FGF14: variants seen among roughly 807,000 people sequenced by gnomAD.
FGF14 encodes fibroblast growth factor homologous factor 4.
A neutral mutation model predicts 25.5 loss-of-function variants in FGF14; 5 were observed. The ratio of observed to expected loss-of-function variants is 0.20; its 90% CI spans 0.10 to 0.41. The LOEUF is 0.41. FGF14 is among the 10% of genes least tolerant of loss of function. The pLI, the probability that FGF14 is intolerant of heterozygous loss-of-function variation, is 1.00. For synonymous variants in FGF14, 138 were observed against 118.3 expected (o/e 1.17, Z -1.08); for missense variants, 222 against 320.1 (o/e 0.69, Z 2.34).
intron 1 of FGF14, among the ~76,000 whole-genome samples, chr13:102,160,657 A>C (rs1418748241): frequency 6.6e-6 from 1 of 152,142 alleles, no homozygotes; most frequent in Non-Finnish European, 1.5e-5. Flanking sequence ...TGTTCCACAG[A>C]AAACAGAGGG....
At chr13:102,110,829 C>CT (rs2045188494) in intron 1 of FGF14, among the ~76,000 whole-genome samples, 1 of 152,046 alleles carries the variant, frequency 6.6e-6, no homozygotes, top group Non-Finnish European at 1.5e-5. Context: ...CAATTGTTTC[C>CT]TTTTTTGCCT....
At chr13:101,823,060 G>T (rs1334017409) in intron 3 of FGF14, among the ~76,000 whole-genome samples, 1 of 152,018 alleles carries the variant, frequency 6.6e-6, no homozygotes, top group Non-Finnish European at 1.5e-5. Context: ...ATGGCTAGAT[G>T]ATATTCCATT....
At chr13:102,280,874 C>G (rs992506680) in intron 1 of FGF14, among the ~76,000 whole-genome samples, 1 of 152,106 alleles carries the variant, frequency 6.6e-6, no homozygotes, top group African/African-American at 2.4e-5. Context: ...GAGCTTCCTA[C>G]AGAATATAAA....
intron 1 of FGF14, among the ~76,000 whole-genome samples, chr13:102,218,412 A>G (rs190272666): frequency 6.6e-6 from 1 of 152,004 alleles, no homozygotes; most frequent in Admixed American, 6.6e-5. Context: ...TTAGAATTTG[A>G]GGGGAGAGAG....
intron 3 of FGF14, among the ~76,000 whole-genome samples, chr13:101,763,687 C>T (rs1257862159): frequency 9.2e-5 from 14 of 152,044 alleles, no homozygotes; most frequent in Admixed American, 9.2e-4. Context: ...TGGTGAAACC[C>T]CATCTCTAGT....
At chr13:102,124,045 GCAATGAGAAAGAGAAAGTGA>G (rs11271992) in intron 1 of FGF14, among the ~76,000 whole-genome samples, 19,231 of 152,058 alleles carry the variant, frequency 0.13, 1,251 homozygotes, top group East Asian at 0.14. Flanking sequence ...CAACAGAACA[GCAATGAGAAAGAGAAAGTGA>G]CATGAAAATA....
At chr13:101,953,057 T>C (rs970172382) in intron 1 of FGF14, among the ~76,000 whole-genome samples, 8 of 146,848 alleles carry the variant, frequency 5.4e-5, no homozygotes, top group African/African-American at 2.1e-4. Flanking sequence ...TAAACTGTCT[T>C]GGAAAGTTGT....
chr13:102,253,493 C>A (rs2052294148), intron 1 of FGF14, among the ~76,000 whole-genome samples: 1 of 152,188 alleles, frequency 6.6e-6, no homozygotes, highest in African/African-American at 2.4e-5. Context: ...CGTTCATATC[C>A]TTCGCCCACT....
chr13:101,823,353 T>C (rs1473291527), intron 3 of FGF14, among the ~76,000 whole-genome samples: 3 of 149,278 alleles, frequency 2.0e-5, no homozygotes, highest in African/African-American at 4.9e-5. Context: ...ATACAAAAAA[T>C]AGTATATTTT....
intron 1 of FGF14, among the ~76,000 whole-genome samples, chr13:102,204,758 G>A (rs143926701): frequency 2.1e-4 from 32 of 152,064 alleles, no homozygotes; most frequent in African/African-American, 6.5e-4. Context: ...TGTTGGCCAC[G>A]CTAGTCTCGA....
At chr13:102,352,528 A>G (rs2057312833) in intron 1 of FGF14, among the ~76,000 whole-genome samples, 1 of 152,158 alleles carries the variant, frequency 6.6e-6, no homozygotes, top group Non-Finnish European at 1.5e-5. Flanking sequence ...ATGTTAAGAT[A>G]TTGGCCGGGC....
intron 1 of FGF14, among the ~76,000 whole-genome samples, chr13:102,372,903 T>C (rs559026641): frequency 6.6e-6 from 1 of 152,292 alleles, no homozygotes; most frequent in African/African-American, 2.4e-5. Context: ...ACAAGATATA[T>C]GGCATTCTTT....
intron 1 of FGF14, among the ~76,000 whole-genome samples, chr13:102,146,949 C>A (rs949299078): frequency 2.0e-5 from 3 of 152,070 alleles, no homozygotes; most frequent in African/African-American, 7.2e-5. Context: ...TCCTTGGTTC[C>A]ATTTTAGCTT....
intron 1 of FGF14, among the ~76,000 whole-genome samples, chr13:102,352,588 GGAT>G (rs770769883): frequency 1.3e-5 from 2 of 152,070 alleles, no homozygotes; most frequent in Non-Finnish European, 2.9e-5. Context: ...CGAGGCGGGC[GGAT>G]CACGAGGTCA....
chr13:102,256,109 G>GC (rs2052424096), intron 1 of FGF14, among the ~76,000 whole-genome samples: 2 of 152,178 alleles, frequency 1.3e-5, no homozygotes, highest in Non-Finnish European at 2.9e-5. Context: ...TCAGGATGGA[G>GC]CAGTGTTTTG....
chr13:102,195,705 T>C (rs762620057), intron 1 of FGF14, among the ~76,000 whole-genome samples: 17 of 148,752 alleles, frequency 1.1e-4, no homozygotes, highest in African/African-American at 1.5e-4. Flanking sequence ...GGCTGGTGGA[T>C]CACTTAAGCC....
At chr13:101,793,096 CAG>C (rs1395707660) in intron 3 of FGF14, among the ~76,000 whole-genome samples, 2 of 152,082 alleles carry the variant, frequency 1.3e-5, no homozygotes, top group African/African-American at 4.8e-5. Flanking sequence ...CACTGTGCAA[CAG>C]ATCTATAAAA....
rs145660894 is a variant in FGF14, at chr13:102,212,423, T to TC, written c.208+189047dup. On this transcript the variant is annotated intron_variant, in intron 1 of 4. Transcript: ENST00000376131. Reference sequence around the variant, plus strand: ...TCTCTGAACCTGAATCCCCCTGACCTCCACCCTTCACCTCCCACAGGAGAG... The same window carrying TC: ...TCTCTGAACCTGAATCCCCCTGACCTCCCACCCTTCACCTCCCACAGGAGAG... Among the ~76,000 whole-genome samples, 705 of 152,192 alleles carry TC rather than the reference T, an allele frequency of 4.6e-3. 3 individuals carry two copies. The highest frequency in any genetic ancestry group is 0.016 in the African/African-American group (666 of 41,560).
chr13:101,904,567 C>T (rs1294242396), intron 1 of FGF14, among the ~76,000 whole-genome samples: 1 of 152,148 alleles, frequency 6.6e-6, no homozygotes, highest in Non-Finnish European at 1.5e-5. Flanking sequence ...AACGAATGTT[C>T]CTGGGGAGAT....
Sources: allele counts gnomAD v4.1 joint callset (sites outside exome capture counted in the v4.1 genomes callset), GRCh38; gene constraint gnomAD v4.1.1; transcripts MANE v1.5; gene names NCBI Gene and HGNC (gene_info 2026-07-23, HGNC 2026-07-21).